Variants in C3orf52 observed in about 807,000 individuals in gnomAD.
The protein encoded by C3orf52 is chromosome 3 open reading frame 52.
Under a neutral mutation model 24.8 loss-of-function variants are expected in C3orf52, and 22 were observed. That is an observed-to-expected ratio of 0.89 (90% CI 0.63 to 1.27). The LOEUF is 1.27. Among genes scored for constraint, C3orf52 ranks in the 50% most tolerant of loss-of-function variants. The pLI, the probability that C3orf52 is intolerant of heterozygous loss-of-function variation, is 0.00. For missense variants in C3orf52, 265 were observed against 260.7 expected (o/e 1.02, Z -0.11); for synonymous variants, 93 against 100.2 (o/e 0.93, Z 0.43).
In C3orf52 at chr3:112,091,974, A is replaced by AGT. The variant is rs79392648; in HGVS notation, c.139-1385_139-1384insTG. Among the ~76,000 whole-genome samples, 918 of 151,684 alleles carry AGT rather than the reference A, an allele frequency of 6.1e-3. 29 individuals carry two copies. In the South Asian group the frequency reaches 0.064, roughly 11 times the overall value. ...AGCGGAGATCGTGCTGCTGCACTCCAGCCTGGGCGACAGAGCGAGACTCCA... is the reference window on the plus strand; with the variant it reads ...AGCGGAGATCGTGCTGCTGCACTCCAGTGCCTGGGCGACAGAGCGAGACTCCA... On this transcript the variant is annotated intron_variant, in intron 1 of 5. Coordinates refer to ENST00000264848, the MANE Select transcript of C3orf52 (RefSeq NM_024616.3).
chr3:112,131,124 T>C (rs904130574), downstream of C3orf52: 4 of 152,402 alleles, frequency 2.6e-5, no homozygotes, highest in African/African-American at 9.6e-5. Flanking sequence ...TTTTGTGTGT[T>C]ATATTTCATT....
intron 1 of C3orf52, among the ~76,000 whole-genome samples, chr3:112,090,815 A>G (rs765707875): frequency 6.6e-6 from 1 of 152,154 alleles, no homozygotes; most frequent in Non-Finnish European, 1.5e-5. Flanking sequence ...GCTAATCTTT[A>G]TGGGTCCCAG....
Position 112,089,417 on chromosome 3 carries a change from A to G in C3orf52, c.138+2872A>G, listed in dbSNP as rs181422956. On this transcript the variant is annotated intron_variant, in intron 1 of 5. Coordinates refer to ENST00000264848, the MANE Select transcript of C3orf52 (RefSeq NM_024616.3). ...GTGGCGCATGCCTGTAATCCTAGCT[A>G]CTCAGGAAGGCTGAGGCAGGAGACT... Among the ~76,000 whole-genome samples the G allele has an allele frequency of 1.9e-3, 293 of 151,412 alleles. 2 individuals carry two copies. Among genetic ancestry groups the G allele is most frequent in the Middle Eastern group, 0.017 (5 of 294 alleles).
Position 112,117,042 on chromosome 3 carries a change from A to G in C3orf52, c.*396A>G. 1 of 943,360 alleles carries G rather than the reference A, an allele frequency of 1.1e-6. No homozygotes were observed. The highest frequency in any genetic ancestry group is 1.6e-6 in the Non-Finnish European group (1 of 639,022). The allele number at this position is 943,360 out of a possible 1,614,324, so 58.4% of individuals were successfully genotyped here. On this transcript the variant is annotated 3_prime_UTR_variant, in exon 6 of 6. Transcript: ENST00000264848. ...ATCATGGCACTGCTATTCTTGAAGC[A>G]CTCCACCCACCTGGGCTACTTTTTC... is the stretch of plus-strand genomic sequence containing the variant.
chr3:112,125,042 AG>A (rs1163137543), intron 4 of C3orf52, among the ~76,000 whole-genome samples: 3 of 152,246 alleles, frequency 2.0e-5, no homozygotes, highest in African/African-American at 7.2e-5. Flanking sequence ...ATTATACAGC[AG>A]AAGTGGCTGC....
downstream of C3orf52, among the ~76,000 whole-genome samples, chr3:112,131,383 G>T (rs963004321): frequency 7.2e-5 from 11 of 152,068 alleles, 1 homozygote; most frequent in East Asian, 1.3e-3. Context: ...GACACGGTTG[G>T]GGGGGTATGC....
chr3:112,109,740 C>A, intron 4 of C3orf52, 127 bp downstream of exon 4: 1 of 599,546 alleles, frequency 1.7e-6, no homozygotes, highest in Non-Finnish European at 3.0e-6. Context: ...GTAATAGAAT[C>A]ACAGAATGTC....
At chr3:112,103,309 G>A (rs1379058837) in intron 3 of C3orf52, among the ~76,000 whole-genome samples, 3 of 152,056 alleles carry the variant, frequency 2.0e-5, no homozygotes, top group Non-Finnish European at 4.4e-5. Flanking sequence ...ACAACAAACC[G>A]CCATGACACG....
At chr3:112,099,523 A>G (rs1038416710) in intron 2 of C3orf52, among the ~76,000 whole-genome samples, 1 of 152,200 alleles carries the variant, frequency 6.6e-6, no homozygotes, top group African/African-American at 2.4e-5. Flanking sequence ...GAGTCTATAA[A>G]TATACCTTGA....
chr3:112,113,677 T>G (rs576030251), intron 5 of C3orf52, among the ~76,000 whole-genome samples: 2 of 152,312 alleles, frequency 1.3e-5, no homozygotes, highest in East Asian at 3.9e-4. Context: ...CTTAGAAAAT[T>G]ATGACAAATT....
At position 112,103,030 on chromosome 3, in the gene C3orf52, A is replaced by G. The variant is rs367805861; in HGVS notation, c.396+65A>G. 216 of 1,496,832 alleles carry G rather than the reference A, an allele frequency of 1.4e-4. No homozygotes were observed. The African/African-American group carries it at 2.5e-3, about 17-fold the overall frequency. The allele number at this position is 1,496,832 out of a possible 1,614,324, so 92.7% of individuals were successfully genotyped here. Reference sequence around the variant, plus strand: ...TTAGAATATGAATTTTGCTAGAATAATTGGCATAGAGCTATAGAGTAAGTA... The same window carrying G: ...TTAGAATATGAATTTTGCTAGAATAGTTGGCATAGAGCTATAGAGTAAGTA... On this transcript the variant is annotated intron_variant, in intron 3 of 5. Coordinates refer to ENST00000264848, the MANE Select transcript of C3orf52 (RefSeq NM_024616.3).
chr3:112,109,530 T>C lies in C3orf52; in HGVS notation c.397-13T>C, dbSNP rs769525120. The C allele has an allele frequency of 2.0e-6, 3 of 1,533,650 alleles. No homozygotes were observed. The South Asian group carries it at 3.4e-5, about 18-fold the overall frequency. On this transcript the variant is annotated splice_polypyrimidine_tract_variant and intron_variant, in intron 3 of 5. Coordinates refer to ENST00000264848, the MANE Select transcript of C3orf52 (RefSeq NM_024616.3). ...GGTAATGTGTGTGGTTTAATTTGCT[T>C]CTGTTTGTTTAGCTCACAGATGTGT...
chr3:112,102,699 A>G, intron 2 of C3orf52, 139 bp from the exon 3 acceptor site: 1 of 746,596 alleles, frequency 1.3e-6, no homozygotes, highest in African/African-American at 1.8e-5. Context: ...TTCTGCTTAC[A>G]CTTGCTTGCT....
intron 4 of C3orf52, among the ~76,000 whole-genome samples, chr3:112,125,994 A>G (rs2074308990): frequency 6.6e-6 from 1 of 152,204 alleles, no homozygotes; most frequent in Admixed American, 6.5e-5. Flanking sequence ...AGAGGAAGCT[A>G]CCATATGGTA....
In C3orf52 at chr3:112,116,472, G is replaced by A. The variant is rs149726672; in HGVS notation, c.650-170G>A. On this transcript the variant is annotated intron_variant, in intron 5 of 5. Coordinates refer to ENST00000264848, the MANE Select transcript of C3orf52 (RefSeq NM_024616.3). Reference sequence around the variant, plus strand: ...TTGCCTTTTGAAATGTATTCAGAGCGGTGTGTGTGTGTTGGACTGAAGACT... The same window carrying A: ...TTGCCTTTTGAAATGTATTCAGAGCAGTGTGTGTGTGTTGGACTGAAGACT... Among the ~76,000 whole-genome samples, 36 of 151,476 alleles carry A rather than the reference G, an allele frequency of 2.4e-4. No individual in the cohort carries two copies. The East Asian group carries it at 5.2e-3, about 22-fold the overall frequency.
intron 1 of C3orf52, 81 bp downstream of exon 1, chr3:112,086,626 G>C: frequency 1.3e-6 from 2 of 1,487,446 alleles, no homozygotes; most frequent in South Asian, 1.3e-5. Context: ...GCGAGTTTCG[G>C]GTTTCCAGTC....
At chr3:112,124,701 T>C (rs1016519023) in intron 4 of C3orf52, among the ~76,000 whole-genome samples, 1 of 152,222 alleles carries the variant, frequency 6.6e-6, no homozygotes, top group Middle Eastern at 3.2e-3. Context: ...ATTTATGTTA[T>C]TAAATAGGGA....
At chr3:112,119,233 G>T (rs562599385), downstream of C3orf52, among the ~76,000 whole-genome samples, 90 of 152,218 alleles carry the variant, frequency 5.9e-4, no homozygotes, top group African/African-American at 2.0e-3. Flanking sequence ...AAATTAGCCA[G>T]GCGTGGTGGC....
chr3:112,093,681 A>G (rs1372639677), intron 2 of C3orf52, among the ~76,000 whole-genome samples, 192 bp downstream of exon 2: 1 of 152,096 alleles, frequency 6.6e-6, no homozygotes, highest in Admixed American at 6.5e-5. Context: ...TTGTTGTTGT[A>G]TTTTGTTGTT....
Sources: gnomAD v4.1 joint callset for allele counts (sites outside exome capture counted in the v4.1 genomes callset) on GRCh38, gnomAD v4.1.1 for gene constraint, MANE v1.5 for transcripts, NCBI Gene and HGNC (gene_info 2026-07-23, HGNC 2026-07-21) for gene names.